ARL10: variants seen among roughly 807,000 people sequenced by gnomAD.
ARL10 encodes ARF like GTPase 10, also known as ADP-ribosylation factor-like protein 10.
In ARL10, 23 loss-of-function variants were observed where a neutral mutation model predicts 26.1. The observed-to-expected ratio is 0.88, with a 90% CI of 0.63 to 1.25. ARL10 has a LOEUF of 1.25. ARL10 is among the 50% of genes most tolerant of loss of function. The probability of loss-of-function intolerance (pLI) is 0.00; values close to 1 mark genes in which losing one functional copy is unlikely to be tolerated. For synonymous variants in ARL10, 138 were observed against 149.1 expected (o/e 0.93, Z 0.54); for missense variants, 300 against 323.6 (o/e 0.93, Z 0.56).
At chr5:176,389,023 GGGAA>G, downstream of ARL10, 2 of 1,603,604 alleles carry the variant, frequency 1.2e-6, no homozygotes, top group South Asian at 2.2e-5. Flanking sequence ...TGATGTCGGA[GGGAA>G]GGAAGTAGAG....
downstream of ARL10, among the ~76,000 whole-genome samples, chr5:176,403,833 C>T (rs756507989): frequency 2.6e-5 from 4 of 152,188 alleles, no homozygotes; most frequent in African/African-American, 4.8e-5. Context: ...GATCTCTGCT[C>T]GCTGAAACCT....
At chr5:176,386,563 A>T (rs17078187), downstream of ARL10, 161,050 of 493,930 alleles carry the variant, frequency 0.33, 27,330 homozygotes, top group African/African-American at 0.43. Flanking sequence ...TACCCATGCC[A>T]GAGATTTACT....
downstream of ARL10, among the ~76,000 whole-genome samples, chr5:176,383,685 G>T (rs890914379): frequency 1.3e-5 from 2 of 152,254 alleles, no homozygotes; most frequent in Non-Finnish European, 2.9e-5. Flanking sequence ...CCAGCCTAGT[G>T]GGGGGACTAG....
intron 3 of ARL10, among the ~76,000 whole-genome samples, chr5:176,370,856 T>C (rs1293012072): frequency 6.6e-6 from 1 of 152,198 alleles, no homozygotes; most frequent in East Asian, 1.9e-4. Flanking sequence ...CTAGAGGTCT[T>C]GTCTGGAAGT....
rs533464023 is a variant in ARL10, at chr5:176,398,663, G to A, written c.134-3078G>A. 1.5e-4 allele frequency among the ~76,000 whole-genome samples: 23 copies of A among 151,042 alleles called. No homozygotes were observed. In the South Asian group the frequency reaches 4.8e-3, roughly 32 times the overall value. Reference sequence around the variant, plus strand: ...GGAGGCAGAGGTTGCAGTGAGCCGAGATCACACCATTGCACTCCAGCCTGG... The same window carrying A: ...GGAGGCAGAGGTTGCAGTGAGCCGAAATCACACCATTGCACTCCAGCCTGG... On this transcript the variant is annotated intron_variant, in intron 1 of 1. Transcript: ENST00000514533.
At chr5:176,384,258 C>T, downstream of ARL10, 1 of 1,614,244 alleles carries the variant, frequency 6.2e-7, no homozygotes, top group South Asian at 1.1e-5. Flanking sequence ...TCCTCTTCTG[C>T]AAAGAATCGA....
chr5:176,372,006 C>T lies in ARL10; in HGVS notation c.*111C>T, dbSNP rs953256538. ...AGCCACATGGCAGCATTTCCCTTTTCCCCTCCTTTGCCTTTCAAGAGCAGG... is the reference window on the plus strand; with the variant it reads ...AGCCACATGGCAGCATTTCCCTTTTTCCCTCCTTTGCCTTTCAAGAGCAGG... On this transcript the variant is annotated 3_prime_UTR_variant, in exon 4 of 4. Coordinates refer to ENST00000310389, the MANE Select transcript of ARL10 (RefSeq NM_173664.6). The T allele has an allele frequency of 4.6e-4, 677 of 1,477,786 alleles. No individual in the cohort carries two copies. The highest frequency in any genetic ancestry group is 5.9e-4 in the Non-Finnish European group (660 of 1,112,242). The allele number at this position is 1,477,786 out of a possible 1,614,324, so 91.5% of individuals were successfully genotyped here. A position where few individuals can be genotyped will look rare whatever the true frequency, so the allele number is the denominator to read the frequency against.
chr5:176,411,002 A>C, the ARL10 span, among the ~76,000 whole-genome samples: 1 of 152,190 alleles, frequency 6.6e-6, no homozygotes, highest in Non-Finnish European at 1.5e-5. Context: ...CCCGCAGCTC[A>C]GCCCCAGCCC....
At chr5:176,403,798 T>C (rs528076596), downstream of ARL10, among the ~76,000 whole-genome samples, 4 of 151,452 alleles carry the variant, frequency 2.6e-5, no homozygotes, top group East Asian at 3.9e-4. Flanking sequence ...CTCGCTCTGT[T>C]GTCCAGGCTG....
intron 1 of ARL10, chr5:176,388,184 G>T: frequency 7.3e-7 from 1 of 1,363,322 alleles, no homozygotes. Context: ...AGGTCAGTAT[G>T]GCGGGGGAAG....
downstream of ARL10, among the ~76,000 whole-genome samples, chr5:176,403,097 TG>T (rs1478599659): frequency 1.3e-5 from 2 of 150,424 alleles, no homozygotes; most frequent in Non-Finnish European, 3.0e-5. Context: ...TCGCCCAGGC[TG>T]GAGTGCAGTG....
intron 3 of ARL10, 132 bp downstream of exon 3, chr5:176,369,114 A>G (rs1405013465): frequency 7.8e-6 from 12 of 1,536,236 alleles, no homozygotes; most frequent in Non-Finnish European, 1.0e-5. Context: ...TCTTCTACCT[A>G]TGCCCTGTCC....
intron 1 of ARL10, among the ~76,000 whole-genome samples, chr5:176,395,114 A>C (rs1756458390): frequency 7.5e-6 from 1 of 133,398 alleles, no homozygotes. Flanking sequence ...CATCCCCACC[A>C]TCCCAGCCTG....
Position 176,381,477 on chromosome 5 carries a change from A to G in ARL10, c.*9582A>G, listed in dbSNP as rs755523150. ...TAACAGAGCAGAAAAGGGTTCATGAACCAGGTAGTGCTCAGGACCAAAAGC... is the reference window on the plus strand; with the variant it reads ...TAACAGAGCAGAAAAGGGTTCATGAGCCAGGTAGTGCTCAGGACCAAAAGC... On this transcript the variant is annotated 3_prime_UTR_variant, in exon 4 of 4. Transcript: ENST00000310389. 5 of 152,230 alleles carry G rather than the reference A, an allele frequency of 3.3e-5. No homozygotes were observed. The highest frequency in any genetic ancestry group is 7.3e-5 in the Non-Finnish European group (5 of 68,050). 9.4% of individuals were successfully genotyped at this position (152,230 alleles called of 1,614,324 possible).
chr5:176,400,706 T>A (rs1043200829), intron 1 of ARL10, among the ~76,000 whole-genome samples: 4 of 152,042 alleles, frequency 2.6e-5, no homozygotes, highest in African/African-American at 9.7e-5. Flanking sequence ...CTCCCCTCCC[T>A]CCTCCTTCAA....
downstream of ARL10, among the ~76,000 whole-genome samples, chr5:176,390,376 ACCT>A (rs1402114905): frequency 1.3e-5 from 2 of 151,560 alleles, no homozygotes; most frequent in African/African-American, 4.9e-5. Flanking sequence ...ACTCCGCATA[ACCT>A]CCTCACCCTG....
At chr5:176,397,116 G>A (rs1350647395) in intron 1 of ARL10, among the ~76,000 whole-genome samples, 1 of 152,070 alleles carries the variant, frequency 6.6e-6, no homozygotes, top group African/African-American at 2.4e-5. Context: ...CGCCCTTTGA[G>A]GACATAAGGC....
chr5:176,380,207 T>G lies in ARL10; in HGVS notation c.*8312T>G, dbSNP rs114177472. ...ACAGAGAAGGAGCAATCCAGGTTCA[T>G]GTGCTGCATGAGCCTTTCATTTGCG... On this transcript the variant is annotated 3_prime_UTR_variant, in exon 4 of 4. Transcript: ENST00000310389. 1 of 152,252 alleles carries G rather than the reference T, an allele frequency of 6.6e-6. No homozygotes were observed. The highest frequency in any genetic ancestry group is 2.4e-5 in the African/African-American group (1 of 41,476). The allele number at this position is 152,252 out of a possible 1,614,324, so 9.4% of individuals were successfully genotyped here.
the ARL10 span, among the ~76,000 whole-genome samples, chr5:176,412,409 T>A: frequency 6.6e-6 from 1 of 152,166 alleles, no homozygotes; most frequent in African/African-American, 2.4e-5. Context: ...CCGTGTCCTA[T>A]TCAGCTCCTC....
Sources: allele counts gnomAD v4.1 joint callset (sites outside exome capture counted in the v4.1 genomes callset), GRCh38; gene constraint gnomAD v4.1.1; transcripts MANE v1.5; gene names NCBI Gene and HGNC (gene_info 2026-07-23, HGNC 2026-07-21).